UST: variants seen among roughly 807,000 people sequenced by gnomAD.
UST encodes the protein uronyl 2-sulfotransferase.
In UST, 21 loss-of-function variants were observed where a neutral mutation model predicts 45.6. That is an observed-to-expected ratio of 0.46 (90% confidence interval 0.33 to 0.66). The LOEUF is 0.66. Among genes scored for constraint, UST ranks in the 30% least tolerant of loss-of-function variants. The pLI is 0.02. For synonymous variants in UST, 215 were observed against 200.6 expected (o/e 1.07, Z -0.61); for missense variants, 463 against 512.4 (o/e 0.90, Z 0.93).
chr6:148,893,954 G>A (rs11758187), intron 2 of UST, among the ~76,000 whole-genome samples: 32,504 of 151,970 alleles, frequency 0.21, 4,212 homozygotes, highest in African/African-American at 0.35. Flanking sequence ...GAGAGTTGGA[G>A]GTTACAGTGA....
chr6:149,014,941 C>T (rs912706542), intron 5 of UST, among the ~76,000 whole-genome samples: 1 of 152,142 alleles, frequency 6.6e-6, no homozygotes, highest in Non-Finnish European at 1.5e-5. Flanking sequence ...CAGACTGGGG[C>T]ACCTCTGGAG....
chr6:148,896,057 ATTAC>A (rs2114856340), intron 2 of UST, among the ~76,000 whole-genome samples: 1 of 152,322 alleles, frequency 6.6e-6, no homozygotes, highest in East Asian at 1.9e-4. Context: ...TAGTAGGTAA[ATTAC>A]TTATAGAAGG....
rs1034342611 is a variant in UST, at chr6:148,934,115, C to T, written c.292-7164C>T. On this transcript the variant is annotated intron_variant, in intron 2 of 7. Transcript: ENST00000367463. The surrounding 1 kb of genome is among the most constrained non-coding windows in gnomAD (Gnocchi z 4.1). Reference sequence around the variant, plus strand: ...AAAATATCATTTATTGGGTTATAACCTAACTTTCCCCTTTTTATAAGTGAG... The same window carrying T: ...AAAATATCATTTATTGGGTTATAACTTAACTTTCCCCTTTTTATAAGTGAG... Among the ~76,000 whole-genome samples the T allele has an allele frequency of 1.3e-5, 2 of 152,132 alleles. No individual in the cohort carries two copies. Among genetic ancestry groups the T allele is most frequent in the African/African-American group, 2.4e-5 (1 of 41,408 alleles).
chr6:148,758,604 A>G (rs1022841657), intron 1 of UST, among the ~76,000 whole-genome samples: 3 of 152,278 alleles, frequency 2.0e-5, no homozygotes, highest in African/African-American at 2.4e-5. Flanking sequence ...TAGTACGCCC[A>G]CTTTCTTTTC....
intron 5 of UST, among the ~76,000 whole-genome samples, chr6:148,980,121 G>A (rs1197827992): frequency 1.3e-5 from 2 of 152,022 alleles, no homozygotes; most frequent in East Asian, 1.9e-4. Flanking sequence ...GAGTTTGTAC[G>A]GTCAGTTTCG....
intron 7 of UST, among the ~76,000 whole-genome samples, chr6:149,048,140 TGAAAATATGAAAGGAATA>T (rs1242448079): frequency 2.8e-5 from 4 of 141,210 alleles, no homozygotes; most frequent in Non-Finnish European, 6.6e-5. Flanking sequence ...TTTTTTTTAA[TGAAAATATGAAAGGAATA>T]GAGGAAAATA....
At chr6:149,056,261 C>T (rs1244424895) in intron 7 of UST, among the ~76,000 whole-genome samples, 1 of 151,562 alleles carries the variant, frequency 6.6e-6, no homozygotes, top group East Asian at 1.9e-4. Flanking sequence ...GCATGCACCA[C>T]CATGCCCAGC....
chr6:149,007,467 T>A (rs1315500830), intron 5 of UST, among the ~76,000 whole-genome samples: 1 of 149,928 alleles, frequency 6.7e-6, no homozygotes, highest in East Asian at 1.9e-4. Flanking sequence ...TTTTGTATTT[T>A]TTTTTTTTTT....
At chr6:148,978,304 A>G (rs1195092357) in intron 5 of UST, among the ~76,000 whole-genome samples, 2 of 152,210 alleles carry the variant, frequency 1.3e-5, no homozygotes, top group Admixed American at 6.5e-5. Flanking sequence ...GTATATACCC[A>G]AAGGATTATA....
At chr6:149,043,485 C>T (rs980563948) in intron 7 of UST, among the ~76,000 whole-genome samples, 2 of 152,244 alleles carry the variant, frequency 1.3e-5, no homozygotes, top group Non-Finnish European at 2.9e-5. Flanking sequence ...CAGATTTTCA[C>T]AGGCATCCGC....
intron 7 of UST, among the ~76,000 whole-genome samples, chr6:149,035,633 T>G (rs1776230262): frequency 6.6e-6 from 1 of 151,640 alleles, no homozygotes; most frequent in Non-Finnish European, 1.5e-5. Context: ...GGGTGTACAG[T>G]CATAGTCCCA....
intron 5 of UST, among the ~76,000 whole-genome samples, chr6:148,970,708 C>G (rs1582934570): frequency 6.6e-6 from 1 of 152,206 alleles, no homozygotes; most frequent in Non-Finnish European, 1.5e-5. Flanking sequence ...AGAGCCACTT[C>G]CAGCACCCAA....
intron 7 of UST, among the ~76,000 whole-genome samples, chr6:149,061,037 C>T (rs1171051441): frequency 6.6e-6 from 1 of 151,934 alleles, no homozygotes; most frequent in East Asian, 1.9e-4. Context: ...TGCATACACT[C>T]GGATCAAGGA....
intron 5 of UST, among the ~76,000 whole-genome samples, chr6:148,983,470 C>A (rs9485343): frequency 2.0e-5 from 3 of 152,002 alleles, no homozygotes; most frequent in Non-Finnish European, 4.4e-5. Context: ...AAAATCATAC[C>A]TCAATTAGTC....
chr6:148,940,051 A>G (rs773577079), intron 2 of UST, among the ~76,000 whole-genome samples: 4 of 152,250 alleles, frequency 2.6e-5, no homozygotes, highest in Non-Finnish European at 5.9e-5. Context: ...ATTTGAATAG[A>G]CATTTCTCCA....
intron 7 of UST, among the ~76,000 whole-genome samples, chr6:149,043,628 G>A (rs1009990576): frequency 2.6e-5 from 4 of 152,228 alleles, no homozygotes; most frequent in African/African-American, 7.2e-5. Context: ...GTCATCTGAC[G>A]GAGAGCCACC....
chr6:148,941,322 A>G lies in UST; in HGVS notation c.335A>G (p.Lys112Arg), dbSNP rs756073770. Reference protein sequence around the residue: ...PSQVVYNRVGKCGSRTVVLLL... With the variant: ...PSQVVYNRVGRCGSRTVVLLL... ...CAGGTGGTGTACAACAGGGTAGGCA[A>G]GTGTGGGAGCCGTACTGTGGTCTTG... The change falls in exon 3 of 8, where the codon AAG becomes AGG. Residue 112 changes from lysine (K) to arginine (R), a missense_variant. Transcript: ENST00000367463. 1.9e-6 allele frequency: 3 copies of G among 1,612,442 alleles called. No homozygotes were observed. The South Asian group carries it at 3.3e-5, about 18-fold the overall frequency.
intron 2 of UST, among the ~76,000 whole-genome samples, chr6:148,909,528 AC>A (rs1436607835): frequency 6.6e-6 from 1 of 152,230 alleles, no homozygotes; most frequent in Non-Finnish European, 1.5e-5. Flanking sequence ...AATTGCAGGC[AC>A]CCAAAGGTGC....
chr6:148,803,363 T>C (rs1291360894), intron 1 of UST, among the ~76,000 whole-genome samples: 1 of 152,224 alleles, frequency 6.6e-6, no homozygotes, highest in Non-Finnish European at 1.5e-5. Flanking sequence ...CTGGTTCTCC[T>C]CCATGTTGGC....
Sources: gnomAD v4.1 joint callset for allele counts (sites outside exome capture counted in the v4.1 genomes callset) on GRCh38, gnomAD v4.1.1 for gene constraint, Gnocchi (gnomAD v3.1) non-coding constraint, MANE v1.5 for transcripts, NCBI Gene and HGNC (gene_info 2026-07-23, HGNC 2026-07-21) for gene names.